The following AHRR variants were observed in gnomAD, a reference collection of about 807,000 sequenced individuals.
The protein encoded by AHRR is ahR repressor.
A neutral mutation model predicts 44.0 loss-of-function variants in AHRR; 28 were observed. The ratio of observed to expected loss-of-function variants is 0.64; its 90% confidence interval spans 0.47 to 0.87. AHRR has a LOEUF of 0.87. Ranked by LOEUF, AHRR falls within the 40% of genes least tolerant of loss-of-function variation. The pLI, the probability that AHRR is intolerant of heterozygous loss-of-function variation, is 0.00. For synonymous variants in AHRR, 434 were observed against 407.0 expected (o/e 1.07, Z -0.80); for missense variants, 990 against 953.9 (o/e 1.04, Z -0.50).
At chr5:403,638 A>AG (rs1471231965) in intron 4 of AHRR, 67 of 416,650 alleles carry the variant, frequency 1.6e-4, no homozygotes, top group South Asian at 1.4e-3. Context: ...ACTCCGTTTC[A>AG]GAAAAAAAAA....
chr5:418,697 A>ACCAAAT (rs1735938324), intron 5 of AHRR: 2 of 152,184 alleles, frequency 1.3e-5, no homozygotes, highest in Non-Finnish European at 2.9e-5. Flanking sequence ...GGTGTAGGTC[A>ACCAAAT]GCAGGGCGGG....
In AHRR at chr5:328,255, A is replaced by ATTTTTTTTTTTTTTTTT. The variant is rs70955232; in HGVS notation, c.-11+6450_-11+6466dup. Reference sequence around the variant, plus strand: ...TTCTCTGCATCCTCACCAACATCTGATTTTTTTTTTTTTTTTTTTTTTTTT... The same window carrying ATTTTTTTTTTTTTTTTT: ...TTCTCTGCATCCTCACCAACATCTGATTTTTTTTTTTTTTTTTTTTTTTTTTTTTTTTTTTTTTTTTT... On this transcript the variant is annotated intron_variant, in intron 1 of 10. Coordinates refer to ENST00000684583, the MANE Select transcript of AHRR (RefSeq NM_001377236.1). Among the ~76,000 whole-genome samples, 3 of 54,254 alleles carry ATTTTTTTTTTTTTTTTT rather than the reference A, an allele frequency of 5.5e-5. 1 individual carries two copies. Among genetic ancestry groups the ATTTTTTTTTTTTTTTTT allele is most frequent in the African/African-American group, 1.8e-4 (3 of 16,798 alleles). The allele number at this position is 54,254 out of a possible 152,430, so 35.6% of individuals were successfully genotyped here.
chr5:413,313 A>ATTTTTTTTTTTTTT, intron 4 of AHRR, 31 bp from the exon 5 acceptor site: 1 of 1,326,910 alleles, frequency 7.5e-7, no homozygotes. Context: ...AGCCAATTCG[A>ATTTTTTTTTTTTTT]TTTTTTTTTT....
chr5:343,303 A>G (rs6894175), intron 1 of AHRR, among the ~76,000 whole-genome samples: 195 of 121,204 alleles, frequency 1.6e-3, no homozygotes, highest in African/African-American at 5.4e-3. Context: ...GTGAACACAG[A>G]ACCCCACATA....
intron 4 of AHRR, among the ~76,000 whole-genome samples, chr5:378,338 G>A (rs1414223170): frequency 1.3e-5 from 2 of 152,254 alleles, no homozygotes; most frequent in Non-Finnish European, 2.9e-5. Context: ...TGTGGCCATG[G>A]TCTGTTGATT....
intron 4 of AHRR, among the ~76,000 whole-genome samples, chr5:386,661 C>T (rs1489976960): frequency 6.6e-6 from 1 of 152,260 alleles, no homozygotes; most frequent in Non-Finnish European, 1.5e-5. Flanking sequence ...GGAGATCATT[C>T]CAGGCTTCAG....
chr5:347,605 G>A (rs1380220612), intron 2 of AHRR, among the ~76,000 whole-genome samples: 3 of 152,208 alleles, frequency 2.0e-5, no homozygotes, highest in Non-Finnish European at 2.9e-5. Flanking sequence ...TTGAATAGTC[G>A]TGAAATGTTT....
intron 4 of AHRR, among the ~76,000 whole-genome samples, chr5:397,701 TAGCCCCTGACCGTCCACG>T (rs1734797813): frequency 7.3e-6 from 1 of 136,290 alleles, no homozygotes; most frequent in African/African-American, 3.0e-5. Flanking sequence ...ACCATCCACG[TAGCCCCTGACCGTCCACG>T]TAGCTCCTGA....
At position 387,634 on chromosome 5, in the gene AHRR, C is replaced by A. The variant is rs114456580; in HGVS notation, c.351+10918C>A. On this transcript the variant is annotated intron_variant, in intron 4 of 10. Coordinates refer to ENST00000684583, the MANE Select transcript of AHRR (RefSeq NM_001377236.1). The surrounding 1 kb of genome is among the most constrained non-coding windows in gnomAD (Gnocchi z 5.1). ...TCCTGGGACAGGGGCCTGACCTCCT[C>A]AGCCTCTTCTGTGGCTTCTGACAGC... 6.6e-6 allele frequency among the ~76,000 whole-genome samples: 1 copy of A among 152,232 alleles called. No homozygotes were observed. The highest frequency in any genetic ancestry group is 6.5e-5 in the Admixed American group (1 of 15,282).
chr5:344,376 G>A (rs148774065), intron 2 of AHRR, among the ~76,000 whole-genome samples: 2,167 of 145,356 alleles, frequency 0.015, 41 homozygotes, highest in Non-Finnish European at 0.021. Context: ...GAGGCTATGC[G>A]AGGCTGTGTG....
At chr5:328,005 A>G (rs1042127783) in intron 1 of AHRR, among the ~76,000 whole-genome samples, 12 of 151,992 alleles carry the variant, frequency 7.9e-5, no homozygotes, top group African/African-American at 2.7e-4. Context: ...TCATTGTTCA[A>G]TTCCCACCTA....
chr5:435,869 G>T lies in AHRR; in HGVS notation c.*1035G>T, dbSNP rs1737006006. ...GTAAAGGCGATATTTTCTGAGAGTA[G>T]GAAATTTGGATACAAAAGCATAAGT... On this transcript the variant is annotated 3_prime_UTR_variant, in exon 11 of 11. Transcript: ENST00000684583. 1 of 152,742 alleles carries T rather than the reference G, an allele frequency of 6.5e-6. No homozygotes were observed. The highest frequency in any genetic ancestry group is 1.5e-5 in the Non-Finnish European group (1 of 68,054). The allele number at this position is 152,742 out of a possible 1,614,324, so 9.5% of individuals were successfully genotyped here. A position where few individuals can be genotyped will look rare whatever the true frequency, so the allele number is the denominator to read the frequency against.
In AHRR at chr5:343,974, C is replaced by T; in HGVS notation, c.62+10C>T. The T allele has an allele frequency of 6.3e-7, 1 of 1,594,788 alleles. No individual in the cohort carries two copies. Among genetic ancestry groups the T allele is most frequent in the South Asian group, 1.1e-5 (1 of 89,704 alleles). Reference sequence around the variant, plus strand: ...GGCCCCTGCAGAAACAGTAAAGTATCCCGCCTTCTGCTTGTGTGGGTTGTT... The same window carrying T: ...GGCCCCTGCAGAAACAGTAAAGTATTCCGCCTTCTGCTTGTGTGGGTTGTT... On this transcript the variant is annotated intron_variant, in intron 2 of 10. Transcript: ENST00000684583.
rs377494615 is a variant in AHRR at position 434,297 on chromosome 5, G to A, written c.1557G>A (p.Pro519=). The A allele has an allele frequency of 1.2e-5, 19 of 1,609,204 alleles. No individual in the cohort carries two copies. Among genetic ancestry groups the A allele is most frequent in the South Asian group, 3.3e-5 (3 of 90,384 alleles). The change falls in exon 11 of 11, where the codon CCG becomes CCA. Residue 519 remains proline, a synonymous_variant. Transcript: ENST00000684583. The part of the protein sequence containing the change: ...DMKLQGVPMP[P]GDLCGPTLLL... ...AGCTGCAAGGTGTACCGATGCCTCC[G>A]GGGGACCTGTGTGGTCCGACGCTGC...
In AHRR at chr5:404,332, T is replaced by G; in HGVS notation, c.352-9012T>G. The G allele has an allele frequency of 2.1e-6, 1 of 480,914 alleles. No individual in the cohort carries two copies. The highest frequency in any genetic ancestry group is 1.6e-5 in the South Asian group (1 of 62,434). 29.8% of individuals were successfully genotyped at this position (480,914 alleles called of 1,614,324 possible). The stretch of plus-strand genomic sequence containing the variant: ...TCTTCCAGTGTTACTAAAAGCTGTT[T>G]CACTCTTTTTTTTTTCTTTTTTCCT... On this transcript the variant is annotated intron_variant, in intron 4 of 10. Coordinates refer to ENST00000684583, the MANE Select transcript of AHRR (RefSeq NM_001377236.1). This position sits in a 1 kb window ranked among gnomAD's most constrained non-coding sequence, Gnocchi z 4.1.
rs1252625966 is a variant in AHRR, at chr5:321,840, C to G, written c.-11+21C>G. The G allele has an allele frequency of 6.6e-6, 1 of 151,984 alleles. No individual in the cohort carries two copies. Among genetic ancestry groups the G allele is most frequent in the Non-Finnish European group, 1.5e-5 (1 of 68,022 alleles). The allele number at this position is 151,984 out of a possible 1,614,324, so 9.4% of individuals were successfully genotyped here. On this transcript the variant is annotated intron_variant, in intron 1 of 10. Transcript: ENST00000684583. The surrounding 1 kb of genome is among the most constrained non-coding windows in gnomAD (Gnocchi z 8.3). ...CCTGGGTAAGTGTCCTGGGCGCCCC[C>G]GCAGGCCCCCGCCGCGTGCCGCCCG...
At chr5:402,516 G>A (rs1350272999) in intron 4 of AHRR, among the ~76,000 whole-genome samples, 2 of 151,350 alleles carry the variant, frequency 1.3e-5, no homozygotes, top group Non-Finnish European at 2.9e-5. Flanking sequence ...TGGCGGGAAG[G>A]CAGTCGTTGA....
intron 1 of AHRR, among the ~76,000 whole-genome samples, chr5:324,462 TA>T (rs201937010): frequency 3.9e-4 from 56 of 142,758 alleles, no homozygotes; most frequent in East Asian, 1.6e-3. Flanking sequence ...ATAAAAAAAT[TA>T]AAAAAAAAAA....
intron 1 of AHRR, chr5:322,812 G>A (rs576259553): frequency 6.6e-6 from 1 of 152,278 alleles, no homozygotes; most frequent in South Asian, 2.1e-4. Context: ...GAGAACGTAG[G>A]ATGCTGACCC....
Sources: allele counts gnomAD v4.1 joint callset (sites outside exome capture counted in the v4.1 genomes callset), GRCh38; gene constraint gnomAD v4.1.1; non-coding constraint Gnocchi (gnomAD v3.1); transcripts MANE v1.5; gene names NCBI Gene and HGNC (gene_info 2026-07-23, HGNC 2026-07-21).